The following RFC2 variants were observed in gnomAD, a reference collection of about 807,000 sequenced individuals.
RFC2 encodes A1 40 kDa subunit.
In RFC2, 34 loss-of-function variants were observed where a neutral mutation model predicts 44.8. The ratio of observed to expected loss-of-function variants is 0.76; its 90% CI spans 0.58 to 1.01. The LOEUF is 1.01. Among genes scored for constraint, RFC2 ranks in the 50% least tolerant of loss-of-function variants. The pLI, the probability that RFC2 is intolerant of heterozygous loss-of-function variation, is 0.00. For missense variants in RFC2, 400 were observed against 453.6 expected (o/e 0.88, Z 1.07); for synonymous variants, 177 against 168.9 (o/e 1.05, Z -0.37).
chr7:74,249,225 A>G lies in RFC2; in HGVS notation c.226-107T>C, dbSNP rs1274792646. ...CATCTCCGTCACCTCTGACCCCTGC[A>G]TTCCACCCACAGCACACACAGATCA... On this transcript the variant is annotated intron_variant, in intron 3 of 10. Transcript: ENST00000055077. 4.5e-6 allele frequency: 7 copies of G among 1,569,680 alleles called. No homozygotes were observed. The African/African-American group carries it at 9.4e-5, about 21-fold the overall frequency.
intron 5 of RFC2, among the ~76,000 whole-genome samples, chr7:74,244,331 A>G (rs1275210434): frequency 6.6e-6 from 1 of 151,474 alleles, no homozygotes; most frequent in Non-Finnish European, 1.5e-5. Flanking sequence ...TTCAAAGAAC[A>G]TGAATTACTG....
chr7:74,242,789 T>G (rs113753639), intron 6 of RFC2, among the ~76,000 whole-genome samples: 22,215 of 149,526 alleles, frequency 0.15, 2,626 homozygotes, highest in African/African-American at 0.33. Flanking sequence ...TGGGTGTGGT[T>G]GTGCGAGCCT....
intron 3 of RFC2, 137 bp downstream of exon 3, chr7:74,249,602 T>C: frequency 2.8e-6 from 2 of 717,334 alleles, no homozygotes; most frequent in Admixed American, 4.7e-5. Flanking sequence ...GCCTCCCAAC[T>C]AGAGTGAAAC....
In RFC2 at chr7:74,237,387, T is replaced by A; in HGVS notation, c.815A>T (p.Asn272Ile). The A allele has an allele frequency of 6.2e-7, 1 of 1,606,076 alleles. No individual in the cohort carries two copies. Among genetic ancestry groups the A allele is most frequent in the Admixed American group, 1.7e-5 (1 of 58,268 alleles). Residue 272 changes from asparagine to isoleucine, a missense_variant, in exon 9 of 11, where the codon AAT becomes ATT. By Grantham distance (149) the Asn-to-Ile change is moderately radical. Coordinates refer to ENST00000055077, the MANE Select transcript of RFC2 (RefSeq NM_181471.3). ...CTTGTAGGCTTCGTCAATGTTGGCA[T>A]TCACACAGTGCTGGATCATCTCCTT... ...LVKEMIQHCV[N>I]ANIDEAYKIL...
In RFC2 at chr7:74,235,568, G is replaced by T; in HGVS notation, c.918C>A (p.Phe306Leu). 3 of 1,612,964 alleles carry T rather than the reference G, an allele frequency of 1.9e-6. No individual in the cohort carries two copies. Among genetic ancestry groups the T allele is most frequent in the South Asian group, 2.2e-5 (2 of 91,072 alleles). ...IGNIFRVCKTFQMAEYLKLEF... is the reference protein window; with the variant it reads ...IGNIFRVCKTLQMAEYLKLEF... The stretch of plus-strand genomic sequence containing the variant: ...CCAGTTTCAGGTATTCTGCCATTTG[G>T]AAAGTTTTACACACTCGAAAGATGT... Residue 306 changes from phenylalanine to leucine, a missense_variant, in exon 10 of 11, where the codon TTC becomes TTA. Physicochemically the swap from Phe to Leu is conservative, Grantham distance 22. Coordinates refer to ENST00000055077, the MANE Select transcript of RFC2 (RefSeq NM_181471.3).
chr7:74,241,503 C>T (rs782089014), intron 6 of RFC2, among the ~76,000 whole-genome samples: 21 of 152,302 alleles, frequency 1.4e-4, no homozygotes, highest in Middle Eastern at 3.4e-3. Flanking sequence ...TTTGGTAATG[C>T]GCTCGTCGGC....
At chr7:74,251,755 G>A (rs187770343) in intron 2 of RFC2, among the ~76,000 whole-genome samples, 284 of 138,912 alleles carry the variant, frequency 2.0e-3, no homozygotes, top group African/African-American at 6.9e-3. Flanking sequence ...CTGAGATGGC[G>A]CCACTGCACT....
chr7:74,254,154 C>T, intron 1 of RFC2, 117 bp downstream of exon 1: 2 of 762,102 alleles, frequency 2.6e-6, no homozygotes, highest in South Asian at 3.0e-5. Context: ...GGGGCCTCCT[C>T]CTCCCTCGGG....
intron 10 of RFC2, among the ~76,000 whole-genome samples, chr7:74,233,365 T>A (rs868952213): frequency 1.3e-5 from 2 of 152,218 alleles, no homozygotes; most frequent in Middle Eastern, 6.8e-3. Context: ...ATATAAAAAT[T>A]GGCCGGTCTT....
intron 4 of RFC2, among the ~76,000 whole-genome samples, chr7:74,248,144 T>C (rs1268024180): frequency 2.6e-5 from 4 of 152,014 alleles, no homozygotes; most frequent in Non-Finnish European, 4.4e-5. Context: ...TTATCCCTAA[T>C]GCTTGGGACC....
chr7:74,246,819 A>C (rs1218947515), intron 4 of RFC2, 56 bp from the exon 5 acceptor site: 1 of 1,223,618 alleles, frequency 8.2e-7, no homozygotes, highest in Non-Finnish European at 1.2e-6. Flanking sequence ...AGTTGCCTTC[A>C]CAAGGACTTT....
At position 74,238,879 on chromosome 7, in the gene RFC2, AGC is replaced by A. The variant is rs782016728; in HGVS notation, c.759+42_759+43del. ...TCAGCCCCACTGGCCCCCACAGGGA[AGC>A]ACGGCTTCTGCTGACAGTACCACCC... On this transcript the variant is annotated intron_variant, in intron 8 of 10. Transcript: ENST00000055077. The surrounding 1 kb of genome is among the most constrained non-coding windows in gnomAD (Gnocchi z 4.0). The A allele has an allele frequency of 2.1e-5, 32 of 1,523,324 alleles. No individual in the cohort carries two copies. The highest frequency in any genetic ancestry group is 2.8e-5 in the Non-Finnish European group (31 of 1,097,706). 94.4% of individuals were successfully genotyped at this position (1,523,324 alleles called of 1,614,324 possible).
intron 10 of RFC2, 136 bp downstream of exon 10, chr7:74,235,396 G>C (rs1554718091): frequency 3.0e-6 from 2 of 670,920 alleles, no homozygotes; most frequent in Non-Finnish European, 5.6e-6. Flanking sequence ...TGGCCAGGCT[G>C]GTCTCGAACT....
intron 2 of RFC2, among the ~76,000 whole-genome samples, chr7:74,250,121 C>T (rs1022300787): frequency 1.3e-5 from 2 of 150,116 alleles, no homozygotes; most frequent in Non-Finnish European, 3.0e-5. Flanking sequence ...CCACTGCACT[C>T]CAGCCTGGGA....
chr7:74,249,115 G>A lies in RFC2; in HGVS notation c.229C>T (p.Pro77Ser), dbSNP rs1021253765. 6.2e-7 allele frequency: 1 copy of A among 1,613,812 alleles called. No homozygotes were observed. The highest frequency in any genetic ancestry group is 8.5e-7 in the Non-Finnish European group (1 of 1,179,820). Reference protein sequence around the residue: ...GNVPNIIIAGPPGTGKTTSIL... With the variant: ...GNVPNIIIAGSPGTGKTTSIL... Reference sequence around the variant, plus strand: ...CTTGTGGTCTTGCCGGTTCCTGGAGGGCCCTGGGAATGAGATCTCCAGTAA... The same window carrying A: ...CTTGTGGTCTTGCCGGTTCCTGGAGAGCCCTGGGAATGAGATCTCCAGTAA... The change falls in exon 4 of 11, where the codon CCT becomes TCT. Residue 77 changes from proline (P) to serine (S), a missense_variant. Physicochemically the swap from Pro to Ser is moderately conservative, Grantham distance 74 (BLOSUM62 -1). Coordinates refer to ENST00000055077, the MANE Select transcript of RFC2 (RefSeq NM_181471.3).
At chr7:74,246,533 C>G in intron 5 of RFC2, 129 bp downstream of exon 5, 1 of 553,562 alleles carries the variant, frequency 1.8e-6, no homozygotes, top group South Asian at 2.3e-5. Context: ...AGGTGCAGGC[C>G]CCTATTAAAT....
intron 9 of RFC2, 128 bp from the exon 10 acceptor site, chr7:74,235,773 T>C: frequency 4.4e-6 from 3 of 679,156 alleles, no homozygotes; most frequent in Non-Finnish European, 8.1e-6. Flanking sequence ...CTGATTTTCA[T>C]GGCAGATAGA....
At chr7:74,243,105 G>T in intron 6 of RFC2, 41 bp downstream of exon 6, 1 of 1,334,954 alleles carries the variant, frequency 7.5e-7, no homozygotes, top group South Asian at 1.2e-5. Context: ...AAGCCCAGTT[G>T]AGCACCACGT....
At position 74,243,129 on chromosome 7, in the gene RFC2, C is replaced by A. The variant is rs201425950; in HGVS notation, c.535+17G>T. 5.7e-6 allele frequency: 9 copies of A among 1,579,040 alleles called. No homozygotes were observed. Among genetic ancestry groups the A allele is most frequent in the Non-Finnish European group, 7.8e-6 (9 of 1,148,656 alleles). ...TGAGCACCACGTGGCCCCCAGCCAC[C>A]GAAAGCTCCCACTCACCGATGATCT... On this transcript the variant is annotated intron_variant, in intron 6 of 10. Coordinates refer to ENST00000055077, the MANE Select transcript of RFC2 (RefSeq NM_181471.3).
Sources: allele counts gnomAD v4.1 joint callset (sites outside exome capture counted in the v4.1 genomes callset), GRCh38; gene constraint gnomAD v4.1.1; non-coding constraint Gnocchi (gnomAD v3.1); transcripts MANE v1.5; gene names NCBI Gene and HGNC (gene_info 2026-07-23, HGNC 2026-07-21).